Variants in ARHGAP8 observed in about 807,000 individuals in gnomAD.
ARHGAP8 encodes the protein rho GTPase-activating protein 8.
A neutral mutation model predicts 46.1 loss-of-function variants in ARHGAP8; 62 were observed. That is an observed-to-expected ratio of 1.34 (90% CI 1.10 to 1.66). The LOEUF is 1.66. Among genes scored for constraint, ARHGAP8 ranks in the 40% most tolerant of loss-of-function variants. ARHGAP8 has a pLI of 0.00. For missense variants in ARHGAP8, 923 were observed against 568.4 expected (o/e 1.62, Z -6.34); for synonymous variants, 375 against 243.1 (o/e 1.54, Z -5.05).
At chr22:44,767,321 G>A (rs560197401) in intron 1 of ARHGAP8, among the ~76,000 whole-genome samples, 9 of 151,886 alleles carry the variant, frequency 5.9e-5, no homozygotes, top group East Asian at 1.9e-4. Context: ...TGTTCATTTC[G>A]GATGCTCTTT....
chr22:44,838,791 T>TTTGTTCATCTGTGACATGGACCA (rs1931458992), intron 7 of ARHGAP8, among the ~76,000 whole-genome samples: 1 of 152,158 alleles, frequency 6.6e-6, no homozygotes, highest in Non-Finnish European at 1.5e-5. Context: ...ACTGGGCCCA[T>TTTGTTCATCTGTGACATGGACCA]TTGTTCATCT....
intron 11 of ARHGAP8, among the ~76,000 whole-genome samples, chr22:44,860,157 T>G (rs879288659): frequency 1.0e-4 from 15 of 149,282 alleles, no homozygotes; most frequent in East Asian, 4.5e-4. Context: ...CTCTAGGAGG[T>G]GGGAGCTGTG....
chr22:44,779,458 A>G (rs1926675557), intron 1 of ARHGAP8, among the ~76,000 whole-genome samples: 1 of 151,978 alleles, frequency 6.6e-6, no homozygotes, highest in Non-Finnish European at 1.5e-5. Context: ...ACGCGTGGCT[A>G]TAGTGGCCTG....
At chr22:44,808,687 G>A in intron 4 of ARHGAP8, 1 of 680,590 alleles carries the variant, frequency 1.5e-6, no homozygotes, top group Non-Finnish European at 2.5e-6. Flanking sequence ...GTCTCACCCA[G>A]CCACCATGGC....
chr22:44,825,460 C>T (rs1234117008), intron 6 of ARHGAP8, 23 bp from the exon 7 acceptor site: 2 of 1,600,428 alleles, frequency 1.2e-6, no homozygotes, highest in South Asian at 1.1e-5. Context: ...CAGGTGAGAT[C>T]CCAGCCTCTG....
At chr22:44,859,657 T>C (rs185910825) in intron 10 of ARHGAP8, 74 bp from the exon 11 acceptor site, 20 of 1,535,034 alleles carry the variant, frequency 1.3e-5, no homozygotes, top group Middle Eastern at 1.7e-4. Context: ...ACACCCCTGT[T>C]CTCCTCCCGG....
chr22:44,841,778 C>T (rs888303417), intron 7 of ARHGAP8, among the ~76,000 whole-genome samples: 4 of 152,180 alleles, frequency 2.6e-5, no homozygotes, highest in Admixed American at 1.3e-4. Context: ...CGCCAAACTA[C>T]GCTGTCTCCT....
intron 7 of ARHGAP8, among the ~76,000 whole-genome samples, chr22:44,833,406 T>C (rs1029090880): frequency 6.6e-6 from 1 of 152,172 alleles, no homozygotes; most frequent in African/African-American, 2.4e-5. Context: ...TGAAATGCTT[T>C]TCATCGCCAT....
chr22:44,848,591 T>TGCCTGTCTCAGGCCC (rs1399220033), intron 9 of ARHGAP8, among the ~76,000 whole-genome samples: 2 of 152,236 alleles, frequency 1.3e-5, no homozygotes, highest in African/African-American at 4.8e-5. Flanking sequence ...AGCTCAGGCC[T>TGCCTGTCTCAGGCCC]GCCTGTCTCA....
intron 5 of ARHGAP8, among the ~76,000 whole-genome samples, chr22:44,817,921 C>T (rs1929866026): frequency 6.6e-6 from 1 of 152,072 alleles, no homozygotes; most frequent in Non-Finnish European, 1.5e-5. Flanking sequence ...TTAAGACCAG[C>T]CTGGGTAACA....
intron 8 of ARHGAP8, 30 bp downstream of exon 8, chr22:44,845,372 C>T (rs776407512): frequency 3.7e-5 from 60 of 1,613,426 alleles, no homozygotes; most frequent in South Asian, 5.5e-5. Flanking sequence ...AGCTGGATGA[C>T]GTGAGGGCTG....
chr22:44,860,915 G>C (rs1321169171), intron 11 of ARHGAP8, among the ~76,000 whole-genome samples: 1 of 152,136 alleles, frequency 6.6e-6, no homozygotes, highest in African/African-American at 2.4e-5. Flanking sequence ...GAGTCTGTTG[G>C]AGAATGTCAC....
intron 1 of ARHGAP8, among the ~76,000 whole-genome samples, chr22:44,773,847 T>C (rs1926218758): frequency 6.6e-6 from 1 of 152,224 alleles, no homozygotes; most frequent in African/African-American, 2.4e-5. Flanking sequence ...CCCCCCAAAG[T>C]GCTGGGATTG....
At chr22:44,772,058 A>G (rs545395845) in intron 1 of ARHGAP8, among the ~76,000 whole-genome samples, 3 of 152,076 alleles carry the variant, frequency 2.0e-5, no homozygotes, top group South Asian at 4.2e-4. Flanking sequence ...TGCTCTCTAC[A>G]TGGTTTAAGA....
intron 1 of ARHGAP8, among the ~76,000 whole-genome samples, chr22:44,755,584 C>G (rs547965549): frequency 1.2e-4 from 19 of 152,186 alleles, no homozygotes; most frequent in East Asian, 5.8e-4. Flanking sequence ...CGCGCTGCTC[C>G]GGAGTCCTGC....
At chr22:44,781,657 G>A (rs546931436) in intron 1 of ARHGAP8, among the ~76,000 whole-genome samples, 76 of 150,956 alleles carry the variant, frequency 5.0e-4, no homozygotes, top group African/African-American at 1.8e-3. Flanking sequence ...CAAGTAGCTG[G>A]GATTACAGGT....
rs575082022 is a variant in ARHGAP8, at chr22:44,814,857, G to A, written c.386+99G>A. The A allele has an allele frequency of 7.5e-5, 103 of 1,381,432 alleles. 2 individuals are homozygous for A. The South Asian group carries it at 7.9e-4, about 11-fold the overall frequency. 85.6% of individuals were successfully genotyped at this position (1,381,432 alleles called of 1,614,324 possible). ...CCTATCCACGCATCATGGAGGGCCC[G>A]TCTCCAGGGTGCCTGTGTATCTGGG... On this transcript the variant is annotated intron_variant, in intron 5 of 11. Transcript: ENST00000356099.
chr22:44,862,195 T>C (rs2147212767), intron 11 of ARHGAP8, 80 bp from the exon 12 acceptor site: 2 of 1,508,832 alleles, frequency 1.3e-6, no homozygotes, highest in Non-Finnish European at 1.8e-6. Context: ...CCTACGCCTC[T>C]CCCTAAGTTC....
At chr22:44,828,130 G>T (rs1602234024) in intron 7 of ARHGAP8, among the ~76,000 whole-genome samples, 1 of 152,346 alleles carries the variant, frequency 6.6e-6, no homozygotes, top group South Asian at 2.1e-4. Flanking sequence ...ACGAGGAGTT[G>T]TACTTAAGAC....
Sources: allele counts gnomAD v4.1 joint callset (sites outside exome capture counted in the v4.1 genomes callset), GRCh38; gene constraint gnomAD v4.1.1; transcripts MANE v1.5; gene names NCBI Gene and HGNC (gene_info 2026-07-23, HGNC 2026-07-21).